CPQ: variants seen among roughly 807,000 people sequenced by gnomAD.
CPQ encodes carboxypeptidase Q.
A neutral mutation model predicts 45.7 loss-of-function variants in CPQ; 37 were observed. That is an observed-to-expected ratio of 0.81 (90% CI 0.62 to 1.07). The LOEUF is 1.07. Among genes scored for constraint, CPQ ranks in the 50% least tolerant of loss-of-function variants. CPQ has a pLI of 0.00. For synonymous variants in CPQ, 186 were observed against 205.8 expected, an observed-to-expected ratio of 0.90 and a Z score of 0.82; for missense variants, 537 against 572.9, an observed-to-expected ratio of 0.94 and a Z score of 0.64.
At chr8:96,947,188 C>T (rs1813201698) in intron 4 of CPQ, among the ~76,000 whole-genome samples, 1 of 152,102 alleles carries the variant, frequency 6.6e-6, no homozygotes, top group South Asian at 2.1e-4. Context: ...TATATTGGTA[C>T]AGCATTTTCC....
intron 6 of CPQ, among the ~76,000 whole-genome samples, chr8:97,052,781 A>G (rs896282625): frequency 2.6e-5 from 4 of 152,154 alleles, no homozygotes; most frequent in Non-Finnish European, 5.9e-5. Flanking sequence ...GGACCTTTGA[A>G]GTTTCACTTG....
chr8:96,723,173 A>G (rs1463413831), intron 1 of CPQ, among the ~76,000 whole-genome samples: 1 of 152,210 alleles, frequency 6.6e-6, no homozygotes, highest in Non-Finnish European at 1.5e-5. Flanking sequence ...AAATATTATC[A>G]AAAGTAAATA....
At chr8:96,982,457 G>A (rs1344243440) in intron 5 of CPQ, among the ~76,000 whole-genome samples, 1 of 151,964 alleles carries the variant, frequency 6.6e-6, no homozygotes, top group African/African-American at 2.4e-5. Flanking sequence ...TCCCACCTCG[G>A]CCTCCTGAGT....
At position 96,691,992 on chromosome 8, in the gene CPQ, C is replaced by T. The variant is rs570323940; in HGVS notation, c.-35+46590C>T. On this transcript the variant is annotated intron_variant, in intron 1 of 7. Transcript: ENST00000220763. ...TGGGCATTATCAAAACATACAATTA[C>T]ATATAATTAAATAAGACAATAATAC... Among the ~76,000 whole-genome samples the T allele has an allele frequency of 4.6e-4, 70 of 152,280 alleles. 1 individual carries two copies. Among genetic ancestry groups the T allele is most frequent in the African/African-American group, 1.6e-3 (68 of 41,556 alleles).
chr8:96,708,751 G>A (rs1052029918), intron 1 of CPQ, among the ~76,000 whole-genome samples: 4 of 152,056 alleles, frequency 2.6e-5, no homozygotes, highest in African/African-American at 9.7e-5. Flanking sequence ...TCACCACAGA[G>A]TAGCACGTTG....
chr8:96,861,910 G>C (rs911001676), intron 3 of CPQ, among the ~76,000 whole-genome samples: 1 of 152,108 alleles, frequency 6.6e-6, no homozygotes, highest in African/African-American at 2.4e-5. Context: ...TGTGGATACA[G>C]GTAGAGGGAG....
At position 96,908,777 on chromosome 8, in the gene CPQ, A is replaced by ACACACACACACC. The variant is rs147900019; in HGVS notation, c.849+28773_849+28774insACACACACACCC. On this transcript the variant is annotated intron_variant, in intron 4 of 7. Coordinates refer to ENST00000220763, the MANE Select transcript of CPQ (RefSeq NM_016134.4). ...CACACACACACACACACACACACAC[A>ACACACACACACC]CCATATATTCTGGGGAAGAGGTGTT... Among the ~76,000 whole-genome samples, 759 of 150,246 alleles carry ACACACACACACC rather than the reference A, an allele frequency of 5.1e-3. 3 individuals carry two copies. Among genetic ancestry groups the ACACACACACACC allele is most frequent in the Non-Finnish European group, 8.0e-3 (538 of 67,612 alleles).
intron 5 of CPQ, among the ~76,000 whole-genome samples, chr8:96,976,247 C>CAAAAAAAAAAAA (rs55864086): frequency 9.9e-5 from 6 of 60,844 alleles, no homozygotes; most frequent in Admixed American, 2.5e-4. Context: ...CAATAGCTGA[C>CAAAAAAAAAAAA]AAAAAAAAAA....
intron 1 of CPQ, among the ~76,000 whole-genome samples, chr8:96,702,644 A>G (rs1419452999): frequency 1.3e-5 from 2 of 152,172 alleles, no homozygotes; most frequent in Admixed American, 6.5e-5. Flanking sequence ...GTTTATTTCA[A>G]GATGGTAAAC....
intron 6 of CPQ, among the ~76,000 whole-genome samples, chr8:97,043,851 C>T (rs1810180493): frequency 1.3e-5 from 2 of 152,344 alleles, no homozygotes; most frequent in South Asian, 4.1e-4. Context: ...GCCGAGAGAT[C>T]CGCTGTTAGT....
chr8:96,951,806 T>A (rs1290423321), intron 4 of CPQ, among the ~76,000 whole-genome samples: 1 of 152,080 alleles, frequency 6.6e-6, no homozygotes, highest in Non-Finnish European at 1.5e-5. Context: ...GTATAAAACA[T>A]GCTTATGCTT....
intron 2 of CPQ, among the ~76,000 whole-genome samples, chr8:96,786,459 G>A (rs1810769743): frequency 6.6e-6 from 1 of 151,982 alleles, no homozygotes; most frequent in Admixed American, 6.6e-5. Flanking sequence ...TCACCTTTTA[G>A]ATATTATGAA....
At chr8:96,759,391 G>A (rs1485109760) in intron 1 of CPQ, among the ~76,000 whole-genome samples, 1 of 152,148 alleles carries the variant, frequency 6.6e-6, no homozygotes, top group African/African-American at 2.4e-5. Flanking sequence ...ACCCTTCTTC[G>A]AAGTGTGATT....
intron 1 of CPQ, among the ~76,000 whole-genome samples, chr8:96,649,063 G>A (rs1005537472): frequency 3.3e-5 from 5 of 152,304 alleles, no homozygotes; most frequent in South Asian, 2.1e-4. Context: ...TGCGACTTCC[G>A]CCTCCCGGTT....
intron 4 of CPQ, among the ~76,000 whole-genome samples, chr8:96,951,874 G>A (rs923667579): frequency 1.3e-5 from 2 of 151,424 alleles, no homozygotes; most frequent in Non-Finnish European, 2.9e-5. Context: ...GAATGTTTGA[G>A]GTCATCTTAC....
chr8:97,098,304 T>G, intron 7 of CPQ, among the ~76,000 whole-genome samples: 1 of 152,176 alleles, frequency 6.6e-6, no homozygotes, highest in Non-Finnish European at 1.5e-5. Context: ...CAAGACAGTC[T>G]CTGCCCTCAA....
intron 1 of CPQ, among the ~76,000 whole-genome samples, chr8:96,681,096 A>G (rs747651647): frequency 3.9e-5 from 6 of 152,226 alleles, no homozygotes; most frequent in Admixed American, 6.5e-5. Flanking sequence ...CAGCCTGACA[A>G]TGCAATAGAA....
At chr8:96,787,101 C>T (rs1468493303) in intron 2 of CPQ, among the ~76,000 whole-genome samples, 2 of 152,030 alleles carry the variant, frequency 1.3e-5, no homozygotes, top group Non-Finnish European at 2.9e-5. Context: ...TTGCCTACAC[C>T]ATGGTCACAA....
intron 5 of CPQ, among the ~76,000 whole-genome samples, chr8:97,016,497 T>A (rs183950469): frequency 1.3e-5 from 2 of 152,334 alleles, no homozygotes; most frequent in Non-Finnish European, 2.9e-5. Flanking sequence ...CAAACATTTA[T>A]TCAGCAATTG....
Sources: allele counts gnomAD v4.1 joint callset (sites outside exome capture counted in the v4.1 genomes callset), GRCh38; gene constraint gnomAD v4.1.1; transcripts MANE v1.5; gene names NCBI Gene and HGNC (gene_info 2026-07-23, HGNC 2026-07-21).